MALRD1: variants seen among roughly 807,000 people sequenced by gnomAD.
MALRD1 encodes MAM and LDL-receptor class A domain-containing protein 1.
MALRD1 carries 247 observed loss-of-function variants against 242.1 expected under a neutral mutation model. That is an observed-to-expected ratio of 1.02 (90% CI 0.92 to 1.13). The LOEUF (loss-of-function observed/expected upper bound fraction) is 1.13. MALRD1 is among the 50% of genes most tolerant of loss of function. The pLI is 0.00. For synonymous variants in MALRD1, 995 were observed against 866.6 expected, an observed-to-expected ratio of 1.15 and a Z score of -2.60; for missense variants, 2,989 against 2,533.1, an observed-to-expected ratio of 1.18 and a Z score of -3.86.
intron 18 of MALRD1, among the ~76,000 whole-genome samples, chr10:19,214,388 T>C (rs991107645): frequency 1.3e-5 from 2 of 152,204 alleles, no homozygotes; most frequent in African/African-American, 4.8e-5. Context: ...ATTTTTTTGG[T>C]TGTTTCAGGA....
intron 36 of MALRD1, among the ~76,000 whole-genome samples, chr10:19,668,269 A>G (rs113759786): frequency 5.3e-5 from 8 of 152,118 alleles, no homozygotes; most frequent in East Asian, 3.9e-4. Flanking sequence ...CCCATGCCAA[A>G]CTCCCACTGT....
intron 28 of MALRD1, among the ~76,000 whole-genome samples, chr10:19,440,356 A>G (rs529374160): frequency 6.6e-6 from 1 of 150,956 alleles, no homozygotes; most frequent in East Asian, 2.0e-4. Context: ...CTTTTTTTTT[A>G]TATTACACTT....
At chr10:19,608,233 A>G (rs1394108873) in intron 35 of MALRD1, among the ~76,000 whole-genome samples, 1 of 152,072 alleles carries the variant, frequency 6.6e-6, no homozygotes, top group East Asian at 1.9e-4. Flanking sequence ...AGGAAACCCT[A>G]TACAATCTAG....
At chr10:19,574,466 A>G (rs1189436411) in intron 33 of MALRD1, among the ~76,000 whole-genome samples, 2 of 152,188 alleles carry the variant, frequency 1.3e-5, no homozygotes, top group Non-Finnish European at 2.9e-5. Context: ...AGTTGTTCTC[A>G]ATTTCATGTG....
chr10:19,580,514 C>A (rs187908669), intron 33 of MALRD1, among the ~76,000 whole-genome samples: 468 of 152,254 alleles, frequency 3.1e-3, no homozygotes, highest in Non-Finnish European at 5.0e-3. Flanking sequence ...CTCCAAAACT[C>A]CTCTTTTATT....
chr10:19,617,688 A>G (rs1389510194), intron 36 of MALRD1, among the ~76,000 whole-genome samples: 1 of 151,970 alleles, frequency 6.6e-6, no homozygotes, highest in Non-Finnish European at 1.5e-5. Context: ...ATCCCTTTAG[A>G]TATATTTTTC....
At chr10:19,315,172 T>G (rs1842606674) in intron 21 of MALRD1, among the ~76,000 whole-genome samples, 1 of 132,178 alleles carries the variant, frequency 7.6e-6, no homozygotes, top group Admixed American at 8.2e-5. Flanking sequence ...TAAATATAAT[T>G]TATATAAATA....
At chr10:19,217,440 T>C (rs1344247736) in intron 18 of MALRD1, among the ~76,000 whole-genome samples, 4 of 152,164 alleles carry the variant, frequency 2.6e-5, no homozygotes, top group Non-Finnish European at 5.9e-5. Flanking sequence ...TCACTTTCTT[T>C]TCCTGAAGCT....
intron 36 of MALRD1, among the ~76,000 whole-genome samples, chr10:19,641,271 A>G (rs1341936249): frequency 6.6e-6 from 1 of 152,124 alleles, no homozygotes; most frequent in Non-Finnish European, 1.5e-5. Context: ...GCAACACTGA[A>G]GATATTATAG....
At chr10:19,125,530 C>A (rs1446065872) in intron 7 of MALRD1, among the ~76,000 whole-genome samples, 1 of 146,160 alleles carries the variant, frequency 6.8e-6, no homozygotes, top group Non-Finnish European at 1.5e-5. Context: ...ATTCTTTTTG[C>A]TTTTTTTTCT....
chr10:19,669,429 G>C (rs1476014826), intron 36 of MALRD1, among the ~76,000 whole-genome samples: 1 of 152,192 alleles, frequency 6.6e-6, no homozygotes, highest in Non-Finnish European at 1.5e-5. Context: ...TGATGTTCGA[G>C]AGAAAGCCTA....
At chr10:19,419,819 T>C (rs913767295) in intron 28 of MALRD1, among the ~76,000 whole-genome samples, 2 of 152,116 alleles carry the variant, frequency 1.3e-5, no homozygotes, top group African/African-American at 4.8e-5. Context: ...ACTTTTCTTA[T>C]TCGTAAAGCT....
chr10:19,282,769 T>A (rs916627109), intron 20 of MALRD1, among the ~76,000 whole-genome samples: 34 of 152,192 alleles, frequency 2.2e-4, no homozygotes, highest in African/African-American at 6.5e-4. Flanking sequence ...AAATCTCACC[T>A]CCTCATGAAA....
intron 13 of MALRD1, among the ~76,000 whole-genome samples, chr10:19,167,794 A>G (rs941042597): frequency 2.6e-5 from 4 of 152,138 alleles, no homozygotes; most frequent in African/African-American, 9.7e-5. Flanking sequence ...CAGTCAGATA[A>G]ATCTTCCTCC....
At chr10:19,623,009 C>G (rs1839472569) in intron 36 of MALRD1, among the ~76,000 whole-genome samples, 1 of 152,012 alleles carries the variant, frequency 6.6e-6, no homozygotes, top group African/African-American at 2.4e-5. Context: ...CAAAGATAAT[C>G]TTCACTTAAA....
intron 18 of MALRD1, among the ~76,000 whole-genome samples, chr10:19,237,612 T>A (rs1320307234): frequency 4.8e-4 from 4 of 8,274 alleles, no homozygotes; most frequent in African/African-American, 4.2e-3. Flanking sequence ...ATAATTATAA[T>A]TATATAATTA....
At position 19,312,408 on chromosome 10, in the gene MALRD1, A is replaced by ATGTG. The variant is rs774610118; in HGVS notation, c.3420-11524_3420-11521dup. On this transcript the variant is annotated intron_variant, in intron 21 of 39. Transcript: ENST00000454679. Reference sequence around the variant, plus strand: ...TATATATATATATATATATGTGTATATGTGTGTGTGTGTGTGTGTGAGAGA... The same window carrying ATGTG: ...TATATATATATATATATATGTGTATATGTGTGTGTGTGTGTGTGTGTGTGAGAGA... Among the ~76,000 whole-genome samples the ATGTG allele has an allele frequency of 1.2e-4, 17 of 144,060 alleles. No individual in the cohort carries two copies. In the East Asian group the frequency reaches 1.6e-3, roughly 14 times the overall value. 94.5% of individuals were successfully genotyped at this position (144,060 alleles called of 152,430 possible).
intron 1 of MALRD1, among the ~76,000 whole-genome samples, chr10:19,055,240 A>G (rs985182251): frequency 6.6e-6 from 1 of 152,144 alleles, no homozygotes; most frequent in African/African-American, 2.4e-5. Flanking sequence ...CCACTTTTAA[A>G]TCAGGATATT....
At position 19,446,788 on chromosome 10, in the gene MALRD1, CTTA is replaced by C. The variant is rs1196763907; in HGVS notation, c.4846-3515_4846-3513del. On this transcript the variant is annotated intron_variant, in intron 28 of 39. Transcript: ENST00000454679. ...TTTGTATTAGTGTCTATTTTTTACT[CTTA>C]TTAATGTGGTTAATCACTTTTCACA... Among the ~76,000 whole-genome samples, 7 of 152,056 alleles carry C rather than the reference CTTA, an allele frequency of 4.6e-5. No homozygotes were observed. The South Asian group carries it at 1.0e-3, about 23-fold the overall frequency.
Sources: allele counts gnomAD v4.1 joint callset (sites outside exome capture counted in the v4.1 genomes callset), GRCh38; gene constraint gnomAD v4.1.1; transcripts MANE v1.5; gene names NCBI Gene and HGNC (gene_info 2026-07-23, HGNC 2026-07-21).